The following SORCS1 variants were observed in gnomAD, a reference collection of about 807,000 sequenced individuals.
SORCS1 encodes the protein VPS10 domain-containing receptor SorCS1.
SORCS1 carries 60 observed loss-of-function variants against 146.1 expected under a neutral mutation model. The observed-to-expected ratio is 0.41, with a 90% CI of 0.33 to 0.51. SORCS1 has a LOEUF of 0.51. SORCS1 is among the 20% of genes least tolerant of loss of function. SORCS1 has a pLI of 0.21. For synonymous variants in SORCS1, 637 were observed against 584.0 expected, an observed-to-expected ratio of 1.09 and a Z score of -1.31; for missense variants, 1,352 against 1,487.6, an observed-to-expected ratio of 0.91 and a Z score of 1.50.
chr10:106,963,673 G>T (rs556729959), intron 1 of SORCS1, among the ~76,000 whole-genome samples: 2 of 151,770 alleles, frequency 1.3e-5, no homozygotes, highest in African/African-American at 4.9e-5. Flanking sequence ...TGAATCCTGG[G>T]GGGGGGCCAT....
chr10:106,860,206 A>G (rs945332064), intron 2 of SORCS1, among the ~76,000 whole-genome samples: 1 of 152,244 alleles, frequency 6.6e-6, no homozygotes, highest in African/African-American at 2.4e-5. Context: ...GTCTATAAAT[A>G]CAGCTATGGA....
chr10:106,984,255 T>C (rs990213185), intron 1 of SORCS1, among the ~76,000 whole-genome samples: 1 of 152,136 alleles, frequency 6.6e-6, no homozygotes, highest in Admixed American at 6.6e-5. Context: ...TAGTTTATAT[T>C]TTTTACATAT....
At chr10:106,901,026 C>T (rs902472893) in intron 2 of SORCS1, among the ~76,000 whole-genome samples, 1 of 152,166 alleles carries the variant, frequency 6.6e-6, no homozygotes, top group South Asian at 2.1e-4. Flanking sequence ...TGAAAATGCT[C>T]ACATATCAGT....
chr10:106,722,142 C>CACACACAA (rs931525310), intron 6 of SORCS1, among the ~76,000 whole-genome samples: 5 of 151,424 alleles, frequency 3.3e-5, no homozygotes, highest in Admixed American at 2.6e-4. Context: ...CACACACACA[C>CACACACAA]ACACACATAT....
chr10:106,945,707 T>C (rs1032112617), intron 2 of SORCS1, among the ~76,000 whole-genome samples: 1 of 152,220 alleles, frequency 6.6e-6, no homozygotes, highest in Non-Finnish European at 1.5e-5. Flanking sequence ...GCAAAGTTAT[T>C]AGGACCTCAG....
intron 6 of SORCS1, among the ~76,000 whole-genome samples, chr10:106,717,910 C>T (rs2135912547): frequency 6.6e-6 from 1 of 152,312 alleles, no homozygotes; most frequent in Admixed American, 6.5e-5. Context: ...TTTCCTGTGA[C>T]TCTGAATTTA....
In SORCS1 at chr10:106,811,309, C is replaced by T. The variant is rs115807508; in HGVS notation, c.726+18265G>A. Reference sequence around the variant, plus strand: ...ATAACTTCAATATTTATCCTTGCATCACCAACACCAAGAGCCTTTTCATAA... The same window carrying T: ...ATAACTTCAATATTTATCCTTGCATTACCAACACCAAGAGCCTTTTCATAA... On this transcript the variant is annotated intron_variant, in intron 3 of 25. Transcript: ENST00000263054. 5.2e-3 allele frequency among the ~76,000 whole-genome samples: 795 copies of T among 152,272 alleles called. 4 individuals are homozygous for T. Among genetic ancestry groups the T allele is most frequent in the African/African-American group, 0.018 (742 of 41,562 alleles).
chr10:107,017,957 T>C (rs1395823576), intron 1 of SORCS1, among the ~76,000 whole-genome samples: 1 of 152,126 alleles, frequency 6.6e-6, no homozygotes, highest in Non-Finnish European at 1.5e-5. Context: ...TGAACCACCA[T>C]GCCCTGACAC....
intron 1 of SORCS1, among the ~76,000 whole-genome samples, chr10:107,095,466 G>GA (rs1466264372): frequency 2.0e-5 from 3 of 152,028 alleles, no homozygotes; most frequent in East Asian, 3.9e-4. Flanking sequence ...AAGAGCAGAG[G>GA]AAAAAAGCCA....
At position 106,989,283 on chromosome 10, in the gene SORCS1, A is replaced by G. The variant is rs1470087667; in HGVS notation, c.559-32703T>C. 2.9e-5 allele frequency among the ~76,000 whole-genome samples: 4 copies of G among 136,542 alleles called. 1 individual carries two copies. Among genetic ancestry groups the G allele is most frequent in the African/African-American group, 5.0e-5 (2 of 40,066 alleles). 89.6% of individuals were successfully genotyped at this position (136,542 alleles called of 152,430 possible). On this transcript the variant is annotated intron_variant, in intron 1 of 25. Transcript: ENST00000263054. ...AGGCTCCACCTCAGAAAAAAAAAAA[A>G]AAAAAAAAAAAAAAGAATACTCCAA...
chr10:106,894,593 C>T (rs1951391373), intron 2 of SORCS1, among the ~76,000 whole-genome samples: 1 of 152,084 alleles, frequency 6.6e-6, no homozygotes, highest in Non-Finnish European at 1.5e-5. Flanking sequence ...GTGGAATAAA[C>T]TCGCATAGCC....
Position 106,700,734 on chromosome 10 carries a change from T to C in SORCS1, c.1234-1341A>G, listed in dbSNP as rs11193014. Among the ~76,000 whole-genome samples, 831 of 152,286 alleles carry C rather than the reference T, an allele frequency of 5.5e-3. 12 individuals carry two copies. Among genetic ancestry groups the C allele is most frequent in the African/African-American group, 0.02 (813 of 41,550 alleles). On this transcript the variant is annotated intron_variant, in intron 8 of 25. Coordinates refer to ENST00000263054, the MANE Select transcript of SORCS1 (RefSeq NM_052918.5). ...CGTGTAGGAACAAGACTCCCTATCC[T>C]CTTTACCGTTTATCACAGTAAACTC...
At chr10:106,648,203 T>A (rs1052427177) in intron 18 of SORCS1, among the ~76,000 whole-genome samples, 1 of 90,734 alleles carries the variant, frequency 1.1e-5, no homozygotes, top group African/African-American at 6.2e-5. Flanking sequence ...TATTATATTC[T>A]TTTTTTTCTC....
At chr10:106,879,576 C>T (rs1950734720) in intron 2 of SORCS1, among the ~76,000 whole-genome samples, 2 of 152,278 alleles carry the variant, frequency 1.3e-5, no homozygotes, top group Admixed American at 1.3e-4. Context: ...TCCTTAAAAT[C>T]AGGAGATTAT....
chr10:106,982,824 T>C (rs1421881155), intron 1 of SORCS1, among the ~76,000 whole-genome samples: 1 of 152,142 alleles, frequency 6.6e-6, no homozygotes, highest in Non-Finnish European at 1.5e-5. Context: ...CCCATTAATA[T>C]GTTGCTCCCC....
intron 3 of SORCS1, among the ~76,000 whole-genome samples, chr10:106,777,280 C>A (rs1164374022): frequency 6.6e-6 from 1 of 152,166 alleles, no homozygotes; most frequent in Non-Finnish European, 1.5e-5. Flanking sequence ...CACCTTCTAG[C>A]CTACTATATA....
chr10:107,125,385 G>T (rs1308434475), intron 1 of SORCS1, among the ~76,000 whole-genome samples: 1 of 152,162 alleles, frequency 6.6e-6, no homozygotes, highest in Non-Finnish European at 1.5e-5. Context: ...AACTGCTTTG[G>T]ATTTACCTTT....
At position 106,573,988 on chromosome 10, in the gene SORCS1, CA is replaced by C. The variant is rs1329206859; in HGVS notation, c.*3431del. On this transcript the variant is annotated 3_prime_UTR_variant, in exon 26 of 26. Transcript: ENST00000263054. ...ATACATTACACTACATAGTATTTAACAAAAAATACATCAAAAAAGTCATTTT... is the reference window on the plus strand; with the variant it reads ...ATACATTACACTACATAGTATTTAACAAAAATACATCAAAAAAGTCATTTT... 1 of 149,064 alleles carries C rather than the reference CA, an allele frequency of 6.7e-6. No individual in the cohort carries two copies. The highest frequency in any genetic ancestry group is 2.5e-5 in the African/African-American group (1 of 40,584). The allele number at this position is 149,064 out of a possible 1,614,324, so 9.2% of individuals were successfully genotyped here.
intron 17 of SORCS1, 151 bp downstream of exon 17, chr10:106,667,538 G>A: frequency 1.8e-6 from 1 of 571,382 alleles, no homozygotes; most frequent in East Asian, 2.8e-5. Flanking sequence ...TTAGTGCAAA[G>A]TTGTGCTTCA....
Sources: gnomAD v4.1 joint callset for allele counts (sites outside exome capture counted in the v4.1 genomes callset) on GRCh38, gnomAD v4.1.1 for gene constraint, MANE v1.5 for transcripts, NCBI Gene and HGNC (gene_info 2026-07-23, HGNC 2026-07-21) for gene names.